METAP1D: variants seen among roughly 807,000 people sequenced by gnomAD.
The protein encoded by METAP1D is methionine aminopeptidase 1D, mitochondrial.
Under a neutral mutation model 40.5 loss-of-function variants are expected in METAP1D, and 31 were observed. The observed-to-expected ratio is 0.77, with a 90% CI of 0.58 to 1.03. The LOEUF (loss-of-function observed/expected upper bound fraction) is 1.03. Among genes scored for constraint, METAP1D ranks in the 50% least tolerant of loss-of-function variants. The pLI is 0.00. For synonymous variants in METAP1D, 151 were observed against 146.4 expected, an observed-to-expected ratio of 1.03 and a Z score of -0.22; for missense variants, 411 against 420.7, an observed-to-expected ratio of 0.98 and a Z score of 0.20.
intron 1 of METAP1D, among the ~76,000 whole-genome samples, chr2:172,047,029 TG>T (rs1342535030): frequency 1.3e-5 from 2 of 152,236 alleles, no homozygotes; most frequent in Non-Finnish European, 2.9e-5. Flanking sequence ...TTTGTTTTTT[TG>T]TTTGTTCTGT....
chr2:172,034,365 G>T (rs1689320633), intron 1 of METAP1D, among the ~76,000 whole-genome samples: 2 of 152,108 alleles, frequency 1.3e-5, no homozygotes, highest in Admixed American at 1.3e-4. Context: ...GTAAATTTGT[G>T]ATCGTGGACA....
intron 1 of METAP1D, among the ~76,000 whole-genome samples, chr2:172,035,257 C>T (rs1372685817): frequency 3.3e-5 from 5 of 152,044 alleles, no homozygotes; most frequent in African/African-American, 1.2e-4. Context: ...CTCCGCCTCC[C>T]GGGTTCACGC....
intron 1 of METAP1D, among the ~76,000 whole-genome samples, chr2:172,033,262 A>G (rs1160410306): frequency 6.6e-6 from 1 of 152,112 alleles, no homozygotes; most frequent in South Asian, 2.1e-4. Flanking sequence ...ACGAGAAAGA[A>G]AAAAGGGAGG....
chr2:172,060,270 G>A (rs750962244), intron 1 of METAP1D, among the ~76,000 whole-genome samples: 7 of 151,746 alleles, frequency 4.6e-5, no homozygotes, highest in Non-Finnish European at 1.0e-4. Context: ...ACAAAAATTA[G>A]CCAGGCATGG....
intron 8 of METAP1D, among the ~76,000 whole-genome samples, chr2:172,079,541 C>CA (rs1272211823): frequency 5.3e-5 from 8 of 152,160 alleles, no homozygotes; most frequent in Non-Finnish European, 1.0e-4. Flanking sequence ...TTTTCATTAA[C>CA]ACCCAGTAAC....
chr2:172,061,405 A>G (rs1690138248), intron 1 of METAP1D, 93 bp from the exon 2 acceptor site: 2 of 1,126,938 alleles, frequency 1.8e-6, no homozygotes, highest in Non-Finnish European at 2.5e-6. Context: ...AGGTATTAGA[A>G]TAATGATTTA....
intron 1 of METAP1D, among the ~76,000 whole-genome samples, chr2:172,052,794 T>C (rs915257209): frequency 2.0e-5 from 3 of 152,266 alleles, no homozygotes; most frequent in African/African-American, 4.8e-5. Flanking sequence ...AGTTCCTTGT[T>C]GCTTTGATGT....
chr2:172,036,681 T>C (rs1689398138), intron 1 of METAP1D, among the ~76,000 whole-genome samples: 1 of 152,068 alleles, frequency 6.6e-6, no homozygotes, highest in African/African-American at 2.4e-5. Flanking sequence ...CACCTTTTTC[T>C]ATTACAAACA....
chr2:172,018,340 C>CA (rs1046539855), intron 1 of METAP1D, among the ~76,000 whole-genome samples: 6 of 151,620 alleles, frequency 4.0e-5, no homozygotes, highest in African/African-American at 2.4e-5. Flanking sequence ...AGGAAACAAG[C>CA]AAAAAAAGAC....
intron 1 of METAP1D, among the ~76,000 whole-genome samples, chr2:172,035,191 G>C (rs1252101540): frequency 6.7e-6 from 1 of 149,418 alleles, no homozygotes; most frequent in Non-Finnish European, 1.5e-5. Context: ...TTGAGACGGA[G>C]TCTCGCCCTG....
chr2:172,080,337 G>C lies in METAP1D; in HGVS notation c.939G>C (p.Gln313His), dbSNP rs373319007. 5 of 1,613,984 alleles carry C rather than the reference G, an allele frequency of 3.1e-6. No individual in the cohort carries two copies. Among genetic ancestry groups the C allele is most frequent in the Non-Finnish European group, 3.4e-6 (4 of 1,179,934 alleles). The change falls in exon 10 of 10, where the codon CAG becomes CAC. Residue 313 changes from glutamine (Q) to histidine (H), a missense_variant. Gln to His is a conservative substitution (Grantham distance 24). Coordinates refer to ENST00000315796, the MANE Select transcript of METAP1D (RefSeq NM_199227.3). ...GGGTGCTGTGTTACAGGTCGGCGCA[G>C]TTCGAGCACACGGTTCTGATCACGT... The part of the protein sequence containing the change: ...VVSLDNQRSA[Q>H]FEHTVLITSR...
intron 1 of METAP1D, among the ~76,000 whole-genome samples, chr2:172,027,015 G>A (rs945120564): frequency 6.6e-6 from 1 of 152,178 alleles, no homozygotes; most frequent in African/African-American, 2.4e-5. Flanking sequence ...ACATAAAGGG[G>A]TCTAGAAGAA....
chr2:172,015,195 G>A (rs548564066), intron 1 of METAP1D, among the ~76,000 whole-genome samples: 97 of 151,984 alleles, frequency 6.4e-4, no homozygotes, highest in Non-Finnish European at 1.2e-3. Flanking sequence ...TGTAATCCCA[G>A]AGGTCAGGAA....
intron 1 of METAP1D, among the ~76,000 whole-genome samples, chr2:172,050,815 G>T (rs1689869723): frequency 6.6e-6 from 1 of 152,148 alleles, no homozygotes. Flanking sequence ...CAGAAAATCT[G>T]ACAAAGAAAA....
rs1383314467 is a variant in METAP1D, at chr2:172,081,803, G to A, written c.*1397G>A. The A allele has an allele frequency of 2.0e-5, 3 of 152,234 alleles. No homozygotes were observed. Among genetic ancestry groups the A allele is most frequent in the African/African-American group, 7.2e-5 (3 of 41,444 alleles). 9.4% of individuals were successfully genotyped at this position (152,234 alleles called of 1,614,324 possible). A position where few individuals can be genotyped will look rare whatever the true frequency, so the allele number is the denominator to read the frequency against. On this transcript the variant is annotated 3_prime_UTR_variant, in exon 10 of 10. Transcript: ENST00000315796. ...AAGCGGCAAGGAAATGGCACCTGTA[G>A]TTGCCAGGACAGGTGGTGTCCTCGG...
chr2:172,036,318 AG>A (rs1335332176), intron 1 of METAP1D, among the ~76,000 whole-genome samples: 1 of 105,102 alleles, frequency 9.5e-6, no homozygotes, highest in Non-Finnish European at 1.8e-5. Context: ...CTCTGTCTCA[AG>A]AAAAAAAAAA....
At chr2:172,013,910 T>C (rs1688788940) in intron 1 of METAP1D, among the ~76,000 whole-genome samples, 1 of 150,034 alleles carries the variant, frequency 6.7e-6, no homozygotes, top group Non-Finnish European at 1.5e-5. Context: ...AACCTCCGCC[T>C]CCTGGGTTCA....
At chr2:172,023,111 C>T (rs1689043767) in intron 1 of METAP1D, among the ~76,000 whole-genome samples, 1 of 152,168 alleles carries the variant, frequency 6.6e-6, no homozygotes, top group African/African-American at 2.4e-5. Flanking sequence ...TCGCTTGAAC[C>T]CAGGAGGCGG....
chr2:172,040,927 A>G lies in METAP1D; in HGVS notation c.41-20571A>G, dbSNP rs116757963. Among the ~76,000 whole-genome samples the G allele has an allele frequency of 4.0e-3, 611 of 151,558 alleles. 5 individuals are homozygous for G. The highest frequency in any genetic ancestry group is 0.033 in the South Asian group (156 of 4,764). ...ACGCCCGGCTAACTTGTGTATTTTT[A>G]GTAGAGACGCCCGGCTAACTTGTGT... On this transcript the variant is annotated intron_variant, in intron 1 of 9. Transcript: ENST00000315796.
Sources: allele counts gnomAD v4.1 joint callset (sites outside exome capture counted in the v4.1 genomes callset), GRCh38; gene constraint gnomAD v4.1.1; transcripts MANE v1.5; gene names NCBI Gene and HGNC (gene_info 2026-07-23, HGNC 2026-07-21).